TCF25: variants seen among roughly 807,000 people sequenced by gnomAD.
TCF25 encodes ribosome quality control complex subunit TCF25.
A neutral mutation model predicts 83.1 loss-of-function variants in TCF25; 41 were observed. The observed-to-expected ratio is 0.49, with a 90% CI of 0.38 to 0.64. The LOEUF (loss-of-function observed/expected upper bound fraction) is 0.64, where lower values mean the gene tolerates loss of function less well. TCF25 is among the 30% of genes least tolerant of loss of function. The pLI, the probability that TCF25 is intolerant of heterozygous loss-of-function variation, is 0.00. For missense variants in TCF25, 979 were observed against 914.5 expected (o/e 1.07, Z -0.91); for synonymous variants, 458 against 365.0 (o/e 1.25, Z -2.90).
intron 12 of TCF25, among the ~76,000 whole-genome samples, chr16:89,903,613 C>T (rs977573217): frequency 1.3e-5 from 2 of 152,122 alleles, no homozygotes; most frequent in African/African-American, 4.8e-5. Context: ...CAAGACCAGC[C>T]TGGCCAGCAT....
At chr16:89,884,854 C>G (rs2042870400) in intron 3 of TCF25, among the ~76,000 whole-genome samples, 198 bp downstream of exon 3, 1 of 87,618 alleles carries the variant, frequency 1.1e-5, no homozygotes. Context: ...CTCCGTCTGC[C>G]TGACGCCCTC....
intron 3 of TCF25, among the ~76,000 whole-genome samples, chr16:89,885,499 C>T (rs2042935010): frequency 6.6e-6 from 1 of 152,208 alleles, no homozygotes; most frequent in African/African-American, 2.4e-5. Flanking sequence ...GCCCTTCGTC[C>T]TCGTCTGACT....
At chr16:89,907,483 CCCAG>C (rs2044953674) in intron 16 of TCF25, among the ~76,000 whole-genome samples, 161 bp downstream of exon 16, 1 of 137,760 alleles carries the variant, frequency 7.3e-6, no homozygotes. Context: ...CCTCCCACCT[CCCAG>C]CTCCCACCTC....
chr16:89,882,073 G>A (rs2042652529), intron 1 of TCF25, among the ~76,000 whole-genome samples: 1 of 152,166 alleles, frequency 6.6e-6, no homozygotes, highest in Non-Finnish European at 1.5e-5. Context: ...CACTAGCTGA[G>A]GAGCCAGAAC....
chr16:89,909,267 T>C (rs2045341822), intron 16 of TCF25: 1 of 748,788 alleles, frequency 1.3e-6, no homozygotes, highest in South Asian at 1.8e-5. Context: ...ATTCCAGCAG[T>C]TTGAGAGGCC....
chr16:89,896,957 G>A (rs1033676305), intron 9 of TCF25, among the ~76,000 whole-genome samples: 14 of 151,958 alleles, frequency 9.2e-5, no homozygotes, highest in African/African-American at 3.4e-4. Context: ...AGCCCAGGAG[G>A]TCGAGGCTGC....
At chr16:89,904,575 C>T in intron 13 of TCF25, 1 of 488,160 alleles carries the variant, frequency 2.0e-6, no homozygotes, top group Non-Finnish European at 3.8e-6. Flanking sequence ...GAGACCCCGT[C>T]TCAAAAAACA....
At chr16:89,906,113 G>T (rs1474406335) in intron 14 of TCF25, 81 bp from the exon 15 acceptor site, 11 of 1,221,716 alleles carry the variant, frequency 9.0e-6, no homozygotes, top group Non-Finnish European at 1.3e-5. Flanking sequence ...GCTGGGTGGG[G>T]GTGGGGGCCG....
chr16:89,874,094 T>C (rs1436215659), intron 1 of TCF25, among the ~76,000 whole-genome samples: 1 of 32,862 alleles, frequency 3.0e-5, no homozygotes, highest in African/African-American at 1.3e-4. Context: ...CTAACCCCGG[T>C]GAGGTGGGCG....
At chr16:89,906,378 G>C (rs562738301) in intron 15 of TCF25, 94 bp downstream of exon 15, 1 of 1,273,644 alleles carries the variant, frequency 7.9e-7, no homozygotes, top group Non-Finnish European at 1.1e-6. Context: ...CGTGCGTGGT[G>C]CGGGCTCCCT....
chr16:89,895,980 G>C lies in TCF25; in HGVS notation c.929-10G>C. 3 of 1,613,148 alleles carry C rather than the reference G, an allele frequency of 1.9e-6. No homozygotes were observed. The highest frequency in any genetic ancestry group is 2.5e-6 in the Non-Finnish European group (3 of 1,179,512). On this transcript the variant is annotated splice_polypyrimidine_tract_variant and intron_variant, in intron 8 of 17. Coordinates refer to ENST00000263346, the MANE Select transcript of TCF25 (RefSeq NM_014972.3). Reference sequence around the variant, plus strand: ...CATGACACCCTCCCCTGGCGTCCCTGTGCCCACAGAGAGAGCGCTGTACAG... The same window carrying C: ...CATGACACCCTCCCCTGGCGTCCCTCTGCCCACAGAGAGAGCGCTGTACAG...
intron 5 of TCF25, chr16:89,889,211 AT>A: frequency 2.5e-6 from 1 of 394,162 alleles, no homozygotes; most frequent in South Asian, 1.9e-5. Flanking sequence ...ATTTATTTTT[AT>A]TTTTTTATTT....
intron 15 of TCF25, 43 bp downstream of exon 15, chr16:89,906,327 C>A: frequency 6.3e-7 from 1 of 1,588,754 alleles, no homozygotes; most frequent in South Asian, 1.1e-5. Flanking sequence ...GTAAGCCGGT[C>A]ACATGCACGT....
At chr16:89,909,280 G>A in intron 16 of TCF25, 3 of 620,556 alleles carry the variant, frequency 4.8e-6, no homozygotes, top group Non-Finnish European at 7.1e-6. Flanking sequence ...GAGAGGCCAA[G>A]GTGGGCAAAT....
chr16:89,909,069 C>A, intron 16 of TCF25: 1 of 1,289,510 alleles, frequency 7.8e-7, no homozygotes, highest in Non-Finnish European at 1.0e-6. Context: ...GCTTGCGTGT[C>A]GGCCTCTGTG....
intron 16 of TCF25, among the ~76,000 whole-genome samples, chr16:89,908,674 T>A (rs966904385): frequency 0.014 from 13 of 912 alleles, no homozygotes; most frequent in Middle Eastern, 0.17. Flanking sequence ...CCCACCTCCC[T>A]CCTCCCAGCT....
intron 9 of TCF25, among the ~76,000 whole-genome samples, chr16:89,896,333 C>T (rs2043845587): frequency 6.6e-6 from 1 of 152,080 alleles, no homozygotes; most frequent in Non-Finnish European, 1.5e-5. Context: ...CTGCTGAGCC[C>T]AGGAGTTCAA....
intron 12 of TCF25, among the ~76,000 whole-genome samples, chr16:89,901,456 G>T (rs925368324): frequency 6.7e-6 from 1 of 149,182 alleles, no homozygotes; most frequent in Non-Finnish European, 1.5e-5. Flanking sequence ...TCCTTAAGAC[G>T]GGCCTCCGGC....
chr16:89,893,663 C>CACAGGGAGGG, intron 6 of TCF25, 65 bp from the exon 7 acceptor site: 1 of 1,609,856 alleles, frequency 6.2e-7, no homozygotes, highest in Non-Finnish European at 8.5e-7. Context: ...AAGGTGAGGG[C>CACAGGGAGGG]TGTGCTCGGA....
Sources: allele counts gnomAD v4.1 joint callset (sites outside exome capture counted in the v4.1 genomes callset), GRCh38; gene constraint gnomAD v4.1.1; transcripts MANE v1.5; gene names NCBI Gene and HGNC (gene_info 2026-07-23, HGNC 2026-07-21).